SLC24A2: variants seen among roughly 807,000 people sequenced by gnomAD.
SLC24A2 encodes sodium/potassium/calcium exchanger 2.
A neutral mutation model predicts 62.0 loss-of-function variants in SLC24A2; 36 were observed. The ratio of observed to expected loss-of-function variants is 0.58; its 90% confidence interval spans 0.44 to 0.77. The LOEUF (loss-of-function observed/expected upper bound fraction) is 0.77. Among genes scored for constraint, SLC24A2 ranks in the 30% least tolerant of loss-of-function variants. The pLI, the probability that SLC24A2 is intolerant of heterozygous loss-of-function variation, is 0.00. For synonymous variants in SLC24A2, 358 were observed against 294.0 expected (o/e 1.22, Z -2.23); for missense variants, 846 against 817.9 (o/e 1.03, Z -0.42).
chr9:19,564,573 A>G (rs1835573006), intron 7 of SLC24A2, among the ~76,000 whole-genome samples: 1 of 152,158 alleles, frequency 6.6e-6, no homozygotes, highest in Non-Finnish European at 1.5e-5. Context: ...TCACATTCCT[A>G]GGAATGTCAT....
the SLC24A2 span, among the ~76,000 whole-genome samples, chr9:19,881,300 G>A: frequency 7.9e-5 from 12 of 152,252 alleles, no homozygotes; most frequent in African/African-American, 2.9e-4. Context: ...AGAAGAAAGA[G>A]CAAATAGTGT....
At chr9:20,016,661 C>G in the SLC24A2 span, among the ~76,000 whole-genome samples, 1 of 152,152 alleles carries the variant, frequency 6.6e-6, no homozygotes, top group Non-Finnish European at 1.5e-5. Flanking sequence ...GTTTCTAAAT[C>G]ATGGAGAATA....
the SLC24A2 span, among the ~76,000 whole-genome samples, chr9:20,295,036 G>GTATATATATATATATATATATATATA: frequency 2.1e-5 from 3 of 145,622 alleles, no homozygotes; most frequent in African/African-American, 7.5e-5. Context: ...GTGTATATAT[G>GTATATATATATATATATATATATATA]TATATATATA....
the SLC24A2 span, among the ~76,000 whole-genome samples, chr9:20,291,117 G>A: frequency 0.095 from 14,517 of 152,116 alleles, 1,057 homozygotes; most frequent in African/African-American, 0.21. Flanking sequence ...AGGAGCATAC[G>A]GAAGTCATGA....
chr9:19,535,433 T>C (rs1201072362), intron 8 of SLC24A2, among the ~76,000 whole-genome samples: 2 of 152,240 alleles, frequency 1.3e-5, no homozygotes, highest in Non-Finnish European at 2.9e-5. Context: ...TCCTAATGCC[T>C]ATGTCCAGAA....
At chr9:20,281,434 G>A in the SLC24A2 span, among the ~76,000 whole-genome samples, 19 of 151,862 alleles carry the variant, frequency 1.3e-4, no homozygotes, top group Non-Finnish European at 2.2e-4. Flanking sequence ...GATCCAAAAC[G>A]GAACATTACC....
In SLC24A2 at chr9:19,550,138, G is replaced by T. The variant is rs766135341; in HGVS notation, c.1478C>A (p.Pro493His). ...LWITLPDVRKPSSRKFFPITF... is the reference protein window; with the variant it reads ...LWITLPDVRKHSSRKFFPITF... ...CTATTTTTAAAATGCTTTACTTACA[G>T]GTTTGCGAACGTCAGGTAACGTAAT... Residue 493 changes from proline to histidine, a missense_variant and splice_region_variant, in exon 8 of 11, where the codon CCT becomes CAT. Physicochemically the swap from Pro to His is moderately conservative, Grantham distance 77. Coordinates refer to ENST00000341998, the MANE Select transcript of SLC24A2 (RefSeq NM_020344.4). 1 of 1,613,726 alleles carries T rather than the reference G, an allele frequency of 6.2e-7. No homozygotes were observed. The highest frequency in any genetic ancestry group is 1.3e-5 in the African/African-American group (1 of 74,996).
chr9:19,673,469 GAC>G, intron 2 of SLC24A2, among the ~76,000 whole-genome samples: 1 of 119,926 alleles, frequency 8.3e-6, no homozygotes, highest in Admixed American at 7.5e-5. Context: ...GTGTGTTTGA[GAC>G]ACAGTCTTGC....
At chr9:20,118,277 C>G in the SLC24A2 span, among the ~76,000 whole-genome samples, 1 of 152,122 alleles carries the variant, frequency 6.6e-6, no homozygotes, top group Non-Finnish European at 1.5e-5. Context: ...TTGCTGTTAT[C>G]AGCTGTTAAT....
intron 7 of SLC24A2, among the ~76,000 whole-genome samples, chr9:19,556,681 G>A (rs1835101763): frequency 6.6e-6 from 1 of 152,032 alleles, no homozygotes; most frequent in Non-Finnish European, 1.5e-5. Context: ...TCTTATCATT[G>A]GGAAGCCTGT....
chr9:20,198,572 A>G, the SLC24A2 span, among the ~76,000 whole-genome samples: 2 of 152,144 alleles, frequency 1.3e-5, no homozygotes, highest in Non-Finnish European at 2.9e-5. Flanking sequence ...TGGCGGACAA[A>G]GGAGGAATTA....
chr9:19,983,322 A>G, the SLC24A2 span, among the ~76,000 whole-genome samples: 1 of 152,200 alleles, frequency 6.6e-6, no homozygotes, highest in Non-Finnish European at 1.5e-5. Flanking sequence ...GACTTCAGCT[A>G]AGTTGCAGGA....
intron 7 of SLC24A2, among the ~76,000 whole-genome samples, chr9:19,562,176 G>C (rs902731383): frequency 2.0e-5 from 3 of 152,096 alleles, no homozygotes; most frequent in African/African-American, 7.2e-5. Context: ...CATGGGCTTT[G>C]TAAATCTTGC....
At chr9:19,962,123 T>C in the SLC24A2 span, among the ~76,000 whole-genome samples, 1 of 152,214 alleles carries the variant, frequency 6.6e-6, no homozygotes, top group Non-Finnish European at 1.5e-5. Flanking sequence ...CTCTCATTCA[T>C]TCCATGAACT....
chr9:20,115,252 T>G, the SLC24A2 span, among the ~76,000 whole-genome samples: 1 of 152,132 alleles, frequency 6.6e-6, no homozygotes, highest in Admixed American at 6.6e-5. Context: ...ATAGATGAAA[T>G]TCTGCCCAGA....
At chr9:20,270,561 T>C in the SLC24A2 span, among the ~76,000 whole-genome samples, 6 of 152,194 alleles carry the variant, frequency 3.9e-5, no homozygotes, top group African/African-American at 9.7e-5. Flanking sequence ...CTGAAGGTGA[T>C]TTAGCAAGGT....
the SLC24A2 span, among the ~76,000 whole-genome samples, chr9:20,171,009 C>T: frequency 5.3e-5 from 8 of 152,144 alleles, no homozygotes; most frequent in African/African-American, 1.9e-4. Flanking sequence ...ATCAGATTAA[C>T]ATCAGATTTT....
the SLC24A2 span, among the ~76,000 whole-genome samples, chr9:20,272,804 G>T: frequency 1.3e-5 from 2 of 152,170 alleles, no homozygotes; most frequent in Non-Finnish European, 2.9e-5. Context: ...AGGTTTATTA[G>T]GAGATTATCA....
At chr9:19,557,577 G>T (rs1206005257) in intron 7 of SLC24A2, among the ~76,000 whole-genome samples, 1 of 152,114 alleles carries the variant, frequency 6.6e-6, no homozygotes, top group Non-Finnish European at 1.5e-5. Context: ...TTAAATCTGT[G>T]CTGAATAAAT....
Sources: gnomAD v4.1 joint callset for allele counts (sites outside exome capture counted in the v4.1 genomes callset) on GRCh38, gnomAD v4.1.1 for gene constraint, MANE v1.5 for transcripts, NCBI Gene and HGNC (gene_info 2026-07-23, HGNC 2026-07-21) for gene names.